Variants in EPB41L2 observed in about 807,000 individuals in gnomAD.
The protein encoded by EPB41L2 is erythrocyte membrane protein band 4.1 like 2, also known as band 4.1-like protein 2.
Under a neutral mutation model 113.0 loss-of-function variants are expected in EPB41L2, and 43 were observed. The observed-to-expected ratio is 0.38, with a 90% CI of 0.30 to 0.49. The LOEUF is 0.49. EPB41L2 is among the 20% of genes least tolerant of loss of function. The probability of loss-of-function intolerance (pLI) is 0.95; values close to 1 mark genes in which losing one functional copy is unlikely to be tolerated. For synonymous variants in EPB41L2, 442 were observed against 436.7 expected, an observed-to-expected ratio of 1.01 and a Z score of -0.15; for missense variants, 1,147 against 1,223.4, an observed-to-expected ratio of 0.94 and a Z score of 0.93.
intron 1 of EPB41L2, among the ~76,000 whole-genome samples, chr6:130,991,929 A>G (rs1781960597): frequency 1.3e-5 from 2 of 152,198 alleles, no homozygotes; most frequent in Middle Eastern, 3.4e-3. Context: ...CTAAACATAC[A>G]CCCACCCGTT....
intron 11 of EPB41L2, among the ~76,000 whole-genome samples, chr6:130,886,549 C>T (rs776202325): frequency 2.6e-5 from 4 of 152,124 alleles, no homozygotes; most frequent in Non-Finnish European, 4.4e-5. Flanking sequence ...ACTTTGAATG[C>T]CCATATCAAA....
At chr6:130,917,050 C>T (rs1252385126) in intron 4 of EPB41L2, among the ~76,000 whole-genome samples, 1 of 152,094 alleles carries the variant, frequency 6.6e-6, no homozygotes, top group Non-Finnish European at 1.5e-5. Flanking sequence ...TGAACTCCTC[C>T]CCATCACAAT....
intron 11 of EPB41L2, among the ~76,000 whole-genome samples, chr6:130,888,337 C>T (rs1791711029): frequency 2.0e-5 from 3 of 152,098 alleles, no homozygotes; most frequent in Admixed American, 2.0e-4. Context: ...TGATGAATTA[C>T]GGCCTCCAAA....
intron 6 of EPB41L2, among the ~76,000 whole-genome samples, chr6:130,903,707 C>T (rs1434505211): frequency 2.0e-5 from 3 of 152,088 alleles, no homozygotes; most frequent in Non-Finnish European, 2.9e-5. Flanking sequence ...TATACTTCCT[C>T]TCACCAAAGC....
In EPB41L2 at chr6:130,947,333, C is replaced by T. The variant is rs1401054156; in HGVS notation, c.705+7772G>A. Among the ~76,000 whole-genome samples, 3 of 152,060 alleles carry T rather than the reference C, an allele frequency of 2.0e-5. No homozygotes were observed. The East Asian group carries it at 5.8e-4, about 29-fold the overall frequency. On this transcript the variant is annotated intron_variant, in intron 3 of 19. Coordinates refer to ENST00000337057, the MANE Select transcript of EPB41L2 (RefSeq NM_001431.4). ...ACACCCTAAGTGAAGACAATTAGGT[C>T]TTCTTCAGTGGGCATGTTATATCAA...
intron 1 of EPB41L2, among the ~76,000 whole-genome samples, chr6:131,010,041 A>C (rs1378178273): frequency 2.6e-5 from 4 of 152,236 alleles, no homozygotes; most frequent in African/African-American, 9.6e-5. Flanking sequence ...CTTTCGCTGA[A>C]AGAAACAGCT....
At chr6:131,026,759 T>C (rs1329583096) in intron 1 of EPB41L2, among the ~76,000 whole-genome samples, 2 of 152,136 alleles carry the variant, frequency 1.3e-5, no homozygotes, top group African/African-American at 4.8e-5. Context: ...TACAACGGAA[T>C]CCCTCTGGCC....
rs372691904 is a variant in EPB41L2 at position 130,878,172 on chromosome 6, T to C, written c.1975A>G (p.Thr659Ala). The C allele has an allele frequency of 6.2e-7, 1 of 1,613,476 alleles. No individual in the cohort carries two copies. Among genetic ancestry groups the C allele is most frequent in the African/African-American group, 1.3e-5 (1 of 74,832 alleles). The change falls in exon 14 of 20, where the codon ACA becomes GCA. Residue 659 changes from threonine (T) to alanine (A), a missense_variant. Thr to Ala is a moderately conservative substitution (Grantham distance 58). Coordinates refer to ENST00000337057, the MANE Select transcript of EPB41L2 (RefSeq NM_001431.4). ...SELKRNFMES[T>A]PEPRPNEWEK... ...CATTCATTAGGGCGCGGCTCAGGTG[T>C]GGATTCCATAAAATTGCGCTTGAGT...
chr6:130,881,678 T>A (rs180963335), intron 12 of EPB41L2: 3 of 152,066 alleles, frequency 2.0e-5, no homozygotes, highest in Non-Finnish European at 4.4e-5. Context: ...TTGAAAAAAA[T>A]TTGCCTTATA....
intron 15 of EPB41L2, 130 bp downstream of exon 15, chr6:130,869,433 C>T (rs1315476974): frequency 1.1e-6 from 1 of 877,942 alleles, no homozygotes; most frequent in African/African-American, 1.7e-5. Flanking sequence ...CCCCTTCCTC[C>T]CATGAGAGAG....
rs1554353775 is a variant in EPB41L2 at position 131,048,155 on chromosome 6, A to AAG, written c.-15+14999_-15+15000insCT. ...CTCTGTCTCAAAAAAAAAAAAAAAA[A>AAG]AAGAAAAAAAGAAAAGAAAAATCTA... On this transcript the variant is annotated intron_variant, in intron 1 of 19. Coordinates refer to ENST00000337057, the MANE Select transcript of EPB41L2 (RefSeq NM_001431.4). Among the ~76,000 whole-genome samples the AAG allele has an allele frequency of 6.5e-4, 61 of 93,774 alleles. 3 individuals are homozygous for AAG. The highest frequency in any genetic ancestry group is 2.2e-3 in the East Asian group (10 of 4,624). 61.5% of individuals were successfully genotyped at this position (93,774 alleles called of 152,430 possible). A position where few individuals can be genotyped will look rare whatever the true frequency, so the allele number is the denominator to read the frequency against.
intron 6 of EPB41L2, among the ~76,000 whole-genome samples, chr6:130,901,843 T>G (rs78523487): frequency 6.6e-6 from 1 of 152,202 alleles, no homozygotes; most frequent in Admixed American, 6.5e-5. Flanking sequence ...AAGATGAGCA[T>G]GAACATTAGA....
chr6:130,865,453 T>A, intron 17 of EPB41L2, 83 bp downstream of exon 17: 1 of 1,334,394 alleles, frequency 7.5e-7, no homozygotes, highest in Admixed American at 1.9e-5. Flanking sequence ...CTTGGAAGTG[T>A]GTACAGGAAG....
intron 1 of EPB41L2, among the ~76,000 whole-genome samples, chr6:130,960,938 C>T (rs1449467051): frequency 6.6e-6 from 1 of 152,146 alleles, no homozygotes; most frequent in Non-Finnish European, 1.5e-5. Context: ...AGCATCTAGA[C>T]TGGCACATAA....
intron 1 of EPB41L2, among the ~76,000 whole-genome samples, chr6:131,003,314 C>G (rs569633608): frequency 4.3e-4 from 65 of 152,270 alleles, no homozygotes; most frequent in Admixed American, 1.1e-3. Flanking sequence ...ATAATTTTAA[C>G]AGTGAAGGTG....
chr6:130,929,857 T>TCTCACACA (rs1491200686), intron 3 of EPB41L2, among the ~76,000 whole-genome samples: 5 of 123,370 alleles, frequency 4.1e-5, no homozygotes, highest in Non-Finnish European at 8.7e-5. Context: ...AGACAGACAG[T>TCTCACACA]CACACACACA....
intron 1 of EPB41L2, among the ~76,000 whole-genome samples, chr6:131,045,597 G>A (rs1417650959): frequency 6.6e-6 from 1 of 152,050 alleles, no homozygotes; most frequent in Non-Finnish European, 1.5e-5. Context: ...AGGAAAAGGA[G>A]AACAAAGAGC....
chr6:130,923,049 G>A (rs1042964153), intron 4 of EPB41L2, among the ~76,000 whole-genome samples: 26 of 152,040 alleles, frequency 1.7e-4, no homozygotes, highest in African/African-American at 3.1e-4. Context: ...CCCCCCAGTC[G>A]AGTCCTCCTA....
intron 1 of EPB41L2, among the ~76,000 whole-genome samples, chr6:130,987,335 A>T (rs185663694): frequency 1.3e-5 from 2 of 152,252 alleles, no homozygotes; most frequent in Non-Finnish European, 2.9e-5. Context: ...TTACATTCCC[A>T]CCAGTAGTAT....
Sources: allele counts gnomAD v4.1 joint callset (sites outside exome capture counted in the v4.1 genomes callset), GRCh38; gene constraint gnomAD v4.1.1; transcripts MANE v1.5; gene names NCBI Gene and HGNC (gene_info 2026-07-23, HGNC 2026-07-21).